Variants in FBXL17 observed in about 807,000 individuals in gnomAD.
The protein encoded by FBXL17 is F-box and leucine rich repeat protein 17, also known as F-box/LRR-repeat protein 17.
A neutral mutation model predicts 66.2 loss-of-function variants in FBXL17; 22 were observed. That is an observed-to-expected ratio of 0.33 (90% CI 0.24 to 0.47). The LOEUF is 0.47. Ranked by LOEUF, FBXL17 falls within the 20% of genes least tolerant of loss-of-function variation. The pLI, the probability that FBXL17 is intolerant of heterozygous loss-of-function variation, is 1.00. For missense variants in FBXL17, 878 were observed against 948.2 expected, an observed-to-expected ratio of 0.93 and a Z score of 0.97; for synonymous variants, 474 against 400.5, an observed-to-expected ratio of 1.18 and a Z score of -2.19.
intron 1 of FBXL17, among the ~76,000 whole-genome samples, chr5:108,376,680 T>C (rs1238999901): frequency 1.3e-5 from 2 of 152,230 alleles, no homozygotes; most frequent in Admixed American, 1.3e-4. Flanking sequence ...TTCTATTAAC[T>C]GCTTTCTTTT....
chr5:108,270,062 T>C (rs1002090560), intron 4 of FBXL17, among the ~76,000 whole-genome samples: 2 of 152,032 alleles, frequency 1.3e-5, no homozygotes, highest in Non-Finnish European at 2.9e-5. Context: ...TTCTCAACAA[T>C]TTTGAAACTA....
intron 6 of FBXL17, among the ~76,000 whole-genome samples, chr5:108,077,495 T>G (rs904134695): frequency 3.3e-5 from 5 of 151,906 alleles, no homozygotes; most frequent in African/African-American, 1.2e-4. Flanking sequence ...AAACCCCATC[T>G]CTACAAAAAA....
intron 6 of FBXL17, among the ~76,000 whole-genome samples, chr5:108,042,511 T>C (rs932315817): frequency 3.3e-5 from 5 of 152,090 alleles, no homozygotes; most frequent in South Asian, 2.1e-4. Context: ...AATAGAATCA[T>C]AGAGTATATA....
At chr5:107,907,138 C>G (rs560402766) in intron 7 of FBXL17, among the ~76,000 whole-genome samples, 2 of 152,286 alleles carry the variant, frequency 1.3e-5, no homozygotes, top group South Asian at 2.1e-4. Flanking sequence ...CTGTTGTCCT[C>G]TACCTCTCCT....
chr5:108,011,184 T>C (rs1044245466), intron 7 of FBXL17, among the ~76,000 whole-genome samples: 7 of 152,262 alleles, frequency 4.6e-5, no homozygotes, highest in African/African-American at 9.6e-5. Context: ...TCATGTGTTA[T>C]GTGTCTAACA....
At chr5:108,360,596 T>G (rs967008415) in intron 3 of FBXL17, among the ~76,000 whole-genome samples, 4 of 152,142 alleles carry the variant, frequency 2.6e-5, no homozygotes, top group Non-Finnish European at 5.9e-5. Flanking sequence ...CTGAATTTAT[T>G]GAGTTTCTTG....
chr5:107,866,826 A>T (rs2112482125), intron 8 of FBXL17, among the ~76,000 whole-genome samples: 1 of 152,270 alleles, frequency 6.6e-6, no homozygotes, highest in South Asian at 2.1e-4. Flanking sequence ...TAAACCACTT[A>T]AAGTTCCTGA....
intron 3 of FBXL17, among the ~76,000 whole-genome samples, chr5:108,354,943 A>G (rs937660169): frequency 1.3e-5 from 2 of 152,048 alleles, no homozygotes; most frequent in African/African-American, 4.8e-5. Context: ...TCAAAAGTGA[A>G]GGAGAAATAA....
chr5:107,928,061 C>A (rs751982362), intron 7 of FBXL17, among the ~76,000 whole-genome samples: 1 of 152,012 alleles, frequency 6.6e-6, no homozygotes. Flanking sequence ...CTTGGATAAT[C>A]CCTGCCATAA....
intron 4 of FBXL17, among the ~76,000 whole-genome samples, chr5:108,248,543 G>GA (rs1481462317): frequency 6.6e-6 from 1 of 151,894 alleles, no homozygotes; most frequent in African/African-American, 2.4e-5. Context: ...GGTATTTAAA[G>GA]AAAAAATGGA....
chr5:108,310,328 A>G (rs886282799), intron 4 of FBXL17, among the ~76,000 whole-genome samples: 2 of 152,190 alleles, frequency 1.3e-5, no homozygotes, highest in African/African-American at 4.8e-5. Context: ...TAATCAATGG[A>G]CAGTTCCTTT....
intron 4 of FBXL17, among the ~76,000 whole-genome samples, chr5:108,281,088 C>T (rs1422647641): frequency 1.3e-5 from 2 of 151,688 alleles, no homozygotes; most frequent in Non-Finnish European, 3.0e-5. Context: ...GAATTCAACA[C>T]CCTACTCACA....
chr5:107,983,706 G>T (rs1731652280), intron 7 of FBXL17, among the ~76,000 whole-genome samples: 1 of 152,164 alleles, frequency 6.6e-6, no homozygotes, highest in African/African-American at 2.4e-5. Context: ...ACCTAAGCCA[G>T]GACAGAAGGG....
At chr5:107,978,424 T>C (rs187780828) in intron 7 of FBXL17, among the ~76,000 whole-genome samples, 2 of 152,064 alleles carry the variant, frequency 1.3e-5, no homozygotes, top group Admixed American at 1.3e-4. Flanking sequence ...TCTGCTAAGA[T>C]ATATTTGCAG....
chr5:108,187,199 T>C (rs981623007), intron 5 of FBXL17, among the ~76,000 whole-genome samples: 9 of 152,232 alleles, frequency 5.9e-5, no homozygotes, highest in Non-Finnish European at 1.2e-4. Context: ...AAATTAATGA[T>C]AATATTTACA....
chr5:107,978,136 A>C (rs1207655866), intron 7 of FBXL17, among the ~76,000 whole-genome samples: 1 of 151,804 alleles, frequency 6.6e-6, no homozygotes, highest in Admixed American at 6.6e-5. Flanking sequence ...ACTGCTGGAT[A>C]GGGACTGAAA....
chr5:108,084,926 TTTTA>T (rs1748913758), intron 6 of FBXL17, among the ~76,000 whole-genome samples: 1 of 152,306 alleles, frequency 6.6e-6, no homozygotes, highest in African/African-American at 2.4e-5. Flanking sequence ...TATATGCCAG[TTTTA>T]TTTGTTTTTC....
At chr5:107,868,326 T>C (rs1001648820) in intron 8 of FBXL17, among the ~76,000 whole-genome samples, 1 of 152,234 alleles carries the variant, frequency 6.6e-6, no homozygotes, top group Non-Finnish European at 1.5e-5. Flanking sequence ...GAGATTGCAG[T>C]TTGCATATAA....
intron 6 of FBXL17, among the ~76,000 whole-genome samples, chr5:108,135,041 A>T (rs768882613): frequency 9.2e-5 from 14 of 152,172 alleles, no homozygotes; most frequent in Non-Finnish European, 1.8e-4. Context: ...TCAGAAACTC[A>T]CAGCCTCAAA....
Sources: allele counts gnomAD v4.1 joint callset (sites outside exome capture counted in the v4.1 genomes callset), GRCh38; gene constraint gnomAD v4.1.1; transcripts MANE v1.5; gene names NCBI Gene and HGNC (gene_info 2026-07-23, HGNC 2026-07-21).